The following ADAM10 variants were observed in gnomAD, a reference collection of about 807,000 sequenced individuals.
ADAM10 encodes ADAM metallopeptidase domain 10, also known as disintegrin and metalloproteinase domain-containing protein 10.
Under a neutral mutation model 90.1 loss-of-function variants are expected in ADAM10, and 17 were observed. That is an observed-to-expected ratio of 0.19 (90% CI 0.13 to 0.28). The LOEUF (loss-of-function observed/expected upper bound fraction) is 0.28. ADAM10 is among the 10% of genes least tolerant of loss of function. The probability of loss-of-function intolerance (pLI) is 1.00; values close to 1 mark genes in which losing one functional copy is unlikely to be tolerated. For synonymous variants in ADAM10, 310 were observed against 298.6 expected (o/e 1.04, Z -0.40); for missense variants, 610 against 914.3 (o/e 0.67, Z 4.29).
intron 5 of ADAM10, among the ~76,000 whole-genome samples, chr15:58,647,204 C>G (rs1399703369): frequency 6.8e-6 from 1 of 147,702 alleles, no homozygotes; most frequent in South Asian, 2.1e-4. Context: ...CACTGTAATG[C>G]TATCACCTAA....
At chr15:58,698,294 A>T in intron 2 of ADAM10, 1 of 451,338 alleles carries the variant, frequency 2.2e-6, no homozygotes, top group South Asian at 1.6e-5. Context: ...GACAGATATC[A>T]TAGGGCTAGG....
At position 58,749,697 on chromosome 15, in the gene ADAM10, G is replaced by T; in HGVS notation, c.-163C>A. 7.0e-7 allele frequency: 1 copy of T among 1,428,516 alleles called. No individual in the cohort carries two copies. Among genetic ancestry groups the T allele is most frequent in the Non-Finnish European group, 9.3e-7 (1 of 1,079,864 alleles). The allele number at this position is 1,428,516 out of a possible 1,614,324, so 88.5% of individuals were successfully genotyped here. Reference sequence around the variant, plus strand: ...GCACCTCCCTCTCGCTCCACTTCAGGGGCCGGCAACGCTCCTAGCTCCTCC... The same window carrying T: ...GCACCTCCCTCTCGCTCCACTTCAGTGGCCGGCAACGCTCCTAGCTCCTCC... On this transcript the variant is annotated 5_prime_UTR_variant, in exon 1 of 16. Coordinates refer to ENST00000260408, the MANE Select transcript of ADAM10 (RefSeq NM_001110.4).
chr15:58,749,579 A>G lies in ADAM10; in HGVS notation c.-45T>C, dbSNP rs1475094976. On this transcript the variant is annotated 5_prime_UTR_variant, in exon 1 of 16. Coordinates refer to ENST00000260408, the MANE Select transcript of ADAM10 (RefSeq NM_001110.4). ...CGCCGCCGCCTCCTCACGGGTTAAC[A>G]GCAGCACATCGATCCGGAGGGAGAA... The G allele has an allele frequency of 1.3e-6, 2 of 1,548,072 alleles. No individual in the cohort carries two copies. The highest frequency in any genetic ancestry group is 8.7e-7 in the Non-Finnish European group (1 of 1,145,282).
In ADAM10 at chr15:58,621,630, A is replaced by T. The variant is rs762883993; in HGVS notation, c.1361-9T>A. 9 of 1,613,660 alleles carry T rather than the reference A, an allele frequency of 5.6e-6. No homozygotes were observed. The Admixed American group carries it at 1.5e-4, about 27-fold the overall frequency. On this transcript the variant is annotated splice_polypyrimidine_tract_variant and intron_variant, in intron 10 of 15. Coordinates refer to ENST00000260408, the MANE Select transcript of ADAM10 (RefSeq NM_001110.4). ...AATAGGTTGGCCAGATTCTGAGGAA[A>T]ATAAACAAGACAAAGTAAGCATTGT...
At chr15:58,612,043 T>A (rs771542514) in intron 11 of ADAM10, 52 bp from the exon 12 acceptor site, 111 of 1,509,236 alleles carry the variant, frequency 7.4e-5, no homozygotes, top group Non-Finnish European at 5.9e-5. Context: ...TTATTCCCTA[T>A]ATACTATTAG....
At chr15:58,678,910 AT>A (rs200468760) in intron 4 of ADAM10, among the ~76,000 whole-genome samples, 1 of 152,214 alleles carries the variant, frequency 6.6e-6, no homozygotes, top group East Asian at 1.9e-4. Flanking sequence ...TAGTTATGTC[AT>A]ATCAGCAAAG....
intron 8 of ADAM10, among the ~76,000 whole-genome samples, chr15:58,636,929 G>T (rs1302863517): frequency 1.2e-4 from 19 of 152,170 alleles, no homozygotes; most frequent in Admixed American, 1.2e-3. Context: ...CAGGCATTTG[G>T]CTTTCAAGTC....
At chr15:58,706,185 T>C (rs1218284882) in intron 2 of ADAM10, among the ~76,000 whole-genome samples, 1 of 152,174 alleles carries the variant, frequency 6.6e-6, no homozygotes, top group Non-Finnish European at 1.5e-5. Context: ...TAATGGGACA[T>C]AAAGCCCCAA....
intron 5 of ADAM10, among the ~76,000 whole-genome samples, chr15:58,655,000 G>A (rs1683487151): frequency 2.0e-5 from 3 of 152,140 alleles, no homozygotes; most frequent in African/African-American, 7.2e-5. Context: ...ATAAATACCT[G>A]TTAGGTCCAT....
At position 58,643,919 on chromosome 15, in the gene ADAM10, G is replaced by A; in HGVS notation, c.795C>T (p.Ile265=). ...TIYQTTDFSG[I]RNISFMVKRI... is the part of the protein sequence containing the mutation. ...GTTTCACCATGAAACTGATGTTACG[G>A]ATTCCGGAGAAGTCTGTGGTCTGGT... The change falls in exon 7 of 16, where the codon ATC becomes ATT. Residue 265 remains isoleucine (I), a synonymous_variant. Transcript: ENST00000260408. The A allele has an allele frequency of 6.2e-7, 1 of 1,613,430 alleles. No homozygotes were observed. The highest frequency in any genetic ancestry group is 8.5e-7 in the Non-Finnish European group (1 of 1,179,470).
At chr15:58,676,836 A>G (rs1226302033) in intron 4 of ADAM10, among the ~76,000 whole-genome samples, 1 of 152,026 alleles carries the variant, frequency 6.6e-6, no homozygotes, top group African/African-American at 2.4e-5. Context: ...AGATAAATAA[A>G]TAATAATTTC....
chr15:58,602,219 C>T (rs1319585795), intron 14 of ADAM10, among the ~76,000 whole-genome samples: 1 of 152,134 alleles, frequency 6.6e-6, no homozygotes, highest in Admixed American at 6.5e-5. Context: ...TGAGCACTTT[C>T]TTACTTTCTG....
intron 1 of ADAM10, among the ~76,000 whole-genome samples, chr15:58,745,917 C>T (rs1224238671): frequency 2.0e-5 from 3 of 152,152 alleles, no homozygotes; most frequent in South Asian, 4.1e-4. Flanking sequence ...ATCCAGAAAT[C>T]CATGAATTTC....
chr15:58,663,922 A>G (rs1258025805), intron 5 of ADAM10, among the ~76,000 whole-genome samples: 2 of 152,078 alleles, frequency 1.3e-5, no homozygotes, highest in Non-Finnish European at 1.5e-5. Context: ...GCTAAATTCT[A>G]TCATATCTAA....
chr15:58,696,376 A>G (rs1453577311), intron 2 of ADAM10, among the ~76,000 whole-genome samples: 2 of 152,118 alleles, frequency 1.3e-5, no homozygotes, highest in East Asian at 1.9e-4. Flanking sequence ...AGTACAAGCT[A>G]GATAAACAAC....
Position 58,749,661 on chromosome 15 carries a change from G to C in ADAM10, c.-127C>G. The C allele has an allele frequency of 6.7e-7, 1 of 1,488,846 alleles. No homozygotes were observed. The highest frequency in any genetic ancestry group is 9.0e-7 in the Non-Finnish European group (1 of 1,109,796). 92.2% of individuals were successfully genotyped at this position (1,488,846 alleles called of 1,614,324 possible). The stretch of plus-strand genomic sequence containing the variant: ...GAAGCCGGGACCTCCCCTGGCAGGA[G>C]AAACGGCGAAGCACCTCCCTCTCGC... On this transcript the variant is annotated 5_prime_UTR_variant, in exon 1 of 16. Transcript: ENST00000260408.
intron 8 of ADAM10, among the ~76,000 whole-genome samples, chr15:58,638,325 T>C (rs1251880389): frequency 6.6e-6 from 1 of 152,122 alleles, no homozygotes; most frequent in Admixed American, 6.5e-5. Flanking sequence ...TTTTTGCTCA[T>C]GAAGTACACA....
chr15:58,612,098 A>C lies in ADAM10; in HGVS notation c.1512-107T>G, dbSNP rs1254153350. 3 of 1,133,148 alleles carry C rather than the reference A, an allele frequency of 2.6e-6. No homozygotes were observed. The African/African-American group carries it at 4.6e-5, about 17-fold the overall frequency. 70.2% of individuals were successfully genotyped at this position (1,133,148 alleles called of 1,614,324 possible). A position where few individuals can be genotyped will look rare whatever the true frequency, so the allele number is the denominator to read the frequency against. On this transcript the variant is annotated intron_variant, in intron 11 of 15. Coordinates refer to ENST00000260408, the MANE Select transcript of ADAM10 (RefSeq NM_001110.4). ...TTATTAGACATAGTACCAATTTTTA[A>C]ATCCTAAGTCTCATCACTTAAATGA...
intron 2 of ADAM10, chr15:58,692,929 C>A (rs1340616246): frequency 1.4e-6 from 1 of 708,972 alleles, no homozygotes; most frequent in South Asian, 1.4e-5. Flanking sequence ...CATGCCAATG[C>A]CTGTGTTGAC....
Sources: gnomAD v4.1 joint callset for allele counts (sites outside exome capture counted in the v4.1 genomes callset) on GRCh38, gnomAD v4.1.1 for gene constraint, MANE v1.5 for transcripts, NCBI Gene and HGNC (gene_info 2026-07-23, HGNC 2026-07-21) for gene names.